ACOXL: variants seen among roughly 807,000 people sequenced by gnomAD.
ACOXL encodes the protein acyl-coenzyme A oxidase-like protein.
A neutral mutation model predicts 71.9 loss-of-function variants in ACOXL; 70 were observed. The ratio of observed to expected loss-of-function variants is 0.97; its 90% CI spans 0.80 to 1.19. ACOXL has a LOEUF of 1.19. Ranked by LOEUF, ACOXL falls within the 50% of genes most tolerant of loss-of-function variation. The probability of loss-of-function intolerance (pLI) is 0.00; values close to 1 mark genes in which losing one functional copy is unlikely to be tolerated. For synonymous variants in ACOXL, 253 were observed against 281.6 expected, an observed-to-expected ratio of 0.90 and a Z score of 1.02; for missense variants, 703 against 736.3, an observed-to-expected ratio of 0.95 and a Z score of 0.52.
At chr2:111,024,023 C>CT (rs1178221232) in intron 14 of ACOXL, among the ~76,000 whole-genome samples, 3 of 152,130 alleles carry the variant, frequency 2.0e-5, no homozygotes, top group Non-Finnish European at 2.9e-5. Flanking sequence ...CTGTGATCAC[C>CT]TTTAACAATT....
At chr2:111,003,809 A>G (rs2063755332) in intron 14 of ACOXL, among the ~76,000 whole-genome samples, 1 of 152,180 alleles carries the variant, frequency 6.6e-6, no homozygotes, top group Non-Finnish European at 1.5e-5. Context: ...TTAAGCACAG[A>G]TAGTTTTCTA....
intron 1 of ACOXL, among the ~76,000 whole-genome samples, chr2:110,744,684 G>A (rs1677977437): frequency 6.6e-6 from 1 of 152,218 alleles, no homozygotes; most frequent in Admixed American, 6.5e-5. Flanking sequence ...GCCACCGTCT[G>A]GCCACAGGAG....
At chr2:110,866,531 A>G (rs1239077191) in intron 10 of ACOXL, among the ~76,000 whole-genome samples, 1 of 152,130 alleles carries the variant, frequency 6.6e-6, no homozygotes, top group African/African-American at 2.4e-5. Flanking sequence ...CAGGAAGATC[A>G]GAGAAGAGGA....
At chr2:110,832,470 G>A (rs920548959) in intron 9 of ACOXL, among the ~76,000 whole-genome samples, 4 of 151,446 alleles carry the variant, frequency 2.6e-5, no homozygotes, top group Non-Finnish European at 4.4e-5. Flanking sequence ...CCCGGGAAGC[G>A]GAGCTTGCAG....
At chr2:110,841,489 CT>C in intron 10 of ACOXL, 84 bp downstream of exon 10, 195 of 1,171,302 alleles carry the variant, frequency 1.7e-4, no homozygotes, top group South Asian at 2.4e-4. Context: ...AGATTTTGAG[CT>C]TTTTTTTGGT....
At chr2:111,017,610 C>CA (rs1327789593) in intron 14 of ACOXL, among the ~76,000 whole-genome samples, 1 of 152,200 alleles carries the variant, frequency 6.6e-6, no homozygotes, top group East Asian at 1.9e-4. Context: ...AGAGGGGAGT[C>CA]AGATTCATCC....
At chr2:110,962,146 G>GT in intron 12 of ACOXL, among the ~76,000 whole-genome samples, 1 of 152,352 alleles carries the variant, frequency 6.6e-6, no homozygotes, top group East Asian at 1.9e-4. Context: ...CAGGGCTGTT[G>GT]TGAGGATTAA....
At chr2:111,006,960 T>C (rs2063906229) in intron 14 of ACOXL, among the ~76,000 whole-genome samples, 1 of 151,946 alleles carries the variant, frequency 6.6e-6, no homozygotes, top group African/African-American at 2.4e-5. Flanking sequence ...TTTTTTCTCA[T>C]AGAGAGCATC....
chr2:110,879,053 T>C (rs914322495), intron 10 of ACOXL, among the ~76,000 whole-genome samples: 20 of 132,648 alleles, frequency 1.5e-4, no homozygotes, highest in Non-Finnish European at 3.2e-4. Flanking sequence ...CGAGGCTCCG[T>C]TAAAAAAAAA....
At chr2:110,855,410 C>CGA (rs1693110294) in intron 10 of ACOXL, among the ~76,000 whole-genome samples, 2 of 152,196 alleles carry the variant, frequency 1.3e-5, no homozygotes, top group African/African-American at 2.4e-5. Flanking sequence ...TCAATAAAGA[C>CGA]TGTGTTCTTT....
chr2:110,778,500 T>G (rs568695050), intron 2 of ACOXL, among the ~76,000 whole-genome samples: 1 of 152,348 alleles, frequency 6.6e-6, no homozygotes, highest in South Asian at 2.1e-4. Context: ...CTCACCATCA[T>G]GCAGTGGTTA....
chr2:111,084,639 C>T (rs574019580), intron 16 of ACOXL, among the ~76,000 whole-genome samples: 6 of 151,868 alleles, frequency 4.0e-5, no homozygotes, highest in Non-Finnish European at 5.9e-5. Context: ...AAAGAAATCC[C>T]GGAAAATTAT....
chr2:110,934,048 A>G (rs750765883), intron 12 of ACOXL, among the ~76,000 whole-genome samples: 4 of 152,202 alleles, frequency 2.6e-5, no homozygotes, highest in Non-Finnish European at 4.4e-5. Context: ...CAGAGCATTC[A>G]GAGACTTCCT....
intron 1 of ACOXL, among the ~76,000 whole-genome samples, chr2:110,765,943 T>C (rs1160978800): frequency 2.0e-5 from 3 of 152,244 alleles, no homozygotes; most frequent in Non-Finnish European, 4.4e-5. Flanking sequence ...TCTAGTGAGA[T>C]TTAAAAAATT....
intron 10 of ACOXL, among the ~76,000 whole-genome samples, chr2:110,865,440 C>T (rs1694468047): frequency 6.6e-6 from 1 of 152,190 alleles, no homozygotes; most frequent in African/African-American, 2.4e-5. Context: ...CATTCTGAAA[C>T]TATGCATGGG....
intron 10 of ACOXL, among the ~76,000 whole-genome samples, chr2:110,879,259 G>T (rs564135933): frequency 6.6e-6 from 1 of 152,272 alleles, no homozygotes; most frequent in South Asian, 2.1e-4. Context: ...GAACTGAAGA[G>T]CAGGTTGCCC....
At chr2:110,870,340 C>CT (rs138530387) in intron 10 of ACOXL, among the ~76,000 whole-genome samples, 45,269 of 146,022 alleles carry the variant, frequency 0.31, 6,969 homozygotes, top group Middle Eastern at 0.35. Context: ...AAGCCCTAGA[C>CT]TTTTTTTTTT....
intron 12 of ACOXL, among the ~76,000 whole-genome samples, chr2:110,967,375 C>T (rs1214720796): frequency 6.6e-6 from 1 of 152,138 alleles, no homozygotes; most frequent in Non-Finnish European, 1.5e-5. Flanking sequence ...AACAGAATCA[C>T]ACAGATCAGT....
intron 10 of ACOXL, among the ~76,000 whole-genome samples, chr2:110,862,478 A>T (rs1694068941): frequency 6.6e-6 from 1 of 152,144 alleles, no homozygotes; most frequent in Non-Finnish European, 1.5e-5. Flanking sequence ...AAACAATAAT[A>T]AAAAAATTAA....
Sources: gnomAD v4.1 joint callset for allele counts (sites outside exome capture counted in the v4.1 genomes callset) on GRCh38, gnomAD v4.1.1 for gene constraint, MANE v1.5 for transcripts, NCBI Gene and HGNC (gene_info 2026-07-23, HGNC 2026-07-21) for gene names.